Variants in MEGF8 observed in about 807,000 individuals in gnomAD.
MEGF8 encodes the protein multiple epidermal growth factor-like domains protein 8.
MEGF8 carries 156 observed loss-of-function variants against 302.9 expected under a neutral mutation model. The observed-to-expected ratio is 0.52, with a 90% CI of 0.45 to 0.59. The LOEUF is 0.59. Ranked by LOEUF, MEGF8 falls within the 20% of genes least tolerant of loss-of-function variation. The pLI, the probability that MEGF8 is intolerant of heterozygous loss-of-function variation, is 0.00. For missense variants in MEGF8, 3,345 were observed against 3,964.5 expected (o/e 0.84, Z 4.20); for synonymous variants, 1,621 against 1,660.5 (o/e 0.98, Z 0.58).
chr19:42,326,500 C>T (rs1250209366), intron 1 of MEGF8, 70 bp downstream of exon 1: 1 of 1,460,314 alleles, frequency 6.8e-7, no homozygotes, highest in East Asian at 2.9e-5. Context: ...CATCCACTCA[C>T]CACATTCCCA....
rs1600056918 is a variant in MEGF8 at position 42,356,690 on chromosome 19, T to C, written c.4623-84T>C. 2 of 1,377,564 alleles carry C rather than the reference T, an allele frequency of 1.5e-6. No homozygotes were observed. Among genetic ancestry groups the C allele is most frequent in the African/African-American group, 2.9e-5 (2 of 69,396 alleles). The allele number at this position is 1,377,564 out of a possible 1,614,324, so 85.3% of individuals were successfully genotyped here. A position where few individuals can be genotyped will look rare whatever the true frequency, so the allele number is the denominator to read the frequency against. On this transcript the variant is annotated intron_variant, in intron 26 of 41. Transcript: ENST00000251268. The surrounding 1 kb of genome is among the most constrained non-coding windows in gnomAD (Gnocchi z 5.2). ...GTCATAGGAAGGTCACCCCAGGGGA[T>C]GCGGGGACATCTGTCAGGCAGGGTC...
chr19:42,328,041 T>G (rs1460307553), intron 1 of MEGF8, among the ~76,000 whole-genome samples: 1 of 152,152 alleles, frequency 6.6e-6, no homozygotes, highest in African/African-American at 2.4e-5. Flanking sequence ...TGAGCCAATA[T>G]TGTGCCACTA....
Position 42,375,841 on chromosome 19 carries a change from C to T in MEGF8, c.7604C>T (p.Pro2535Leu). The T allele has an allele frequency of 1.2e-6, 2 of 1,610,434 alleles. No homozygotes were observed. The highest frequency in any genetic ancestry group is 2.2e-5 in the South Asian group (2 of 90,808). ...HIQPPPAPPPPPPPADGGPRG... is the reference protein window; with the variant it reads ...HIQPPPAPPPLPPPADGGPRG... ...CAGCCACCCCCAGCCCCACCACCTC[C>T]ACCACCCCCTGCAGATGGTGGGCCC... The change falls in exon 42 of 42, where the codon CCA becomes CTA. Residue 2535 changes from proline (P) to leucine (L), a missense_variant. Pro to Leu is a moderately conservative substitution (Grantham distance 98, BLOSUM62 -3). Transcript: ENST00000251268. This position sits in a 1 kb window ranked among gnomAD's most constrained non-coding sequence, Gnocchi z 7.1.
Position 42,354,467 on chromosome 19 carries a change from T to C in MEGF8, c.4012-121T>C. 8.5e-7 allele frequency: 1 copy of C among 1,179,032 alleles called. No individual in the cohort carries two copies. The highest frequency in any genetic ancestry group is 1.2e-6 in the Non-Finnish European group (1 of 830,526). The allele number at this position is 1,179,032 out of a possible 1,614,324, so 73.0% of individuals were successfully genotyped here. ...ATAGTTTGACAGTCTCCCCTGGATGTTCAAACAGCCCATTTCCCAGTCTCA... is the reference window on the plus strand; with the variant it reads ...ATAGTTTGACAGTCTCCCCTGGATGCTCAAACAGCCCATTTCCCAGTCTCA... On this transcript the variant is annotated intron_variant, in intron 22 of 41. Transcript: ENST00000251268. This position sits in a 1 kb window ranked among gnomAD's most constrained non-coding sequence, Gnocchi z 4.3.
intron 38 of MEGF8, 60 bp from the exon 39 acceptor site, chr19:42,370,129 A>C (rs935708366): frequency 1.6e-4 from 248 of 1,538,444 alleles, no homozygotes; most frequent in Non-Finnish European, 2.1e-4. Flanking sequence ...TGTGCCCCCA[A>C]CGCCCTCCTA....
intron 35 of MEGF8, among the ~76,000 whole-genome samples, chr19:42,365,034 G>A (rs542018859): frequency 8.5e-5 from 13 of 152,354 alleles, no homozygotes; most frequent in African/African-American, 3.1e-4. Flanking sequence ...CACCAAGAGG[G>A]TGGCTGCGGG....
chr19:42,334,083 C>A lies in MEGF8; in HGVS notation c.428C>A (p.Pro143Gln), dbSNP rs765654107. Residue 143 changes from proline to glutamine, a missense_variant, in exon 3 of 42, where the codon CCG becomes CAG. By Grantham distance (76) the Pro-to-Gln change is moderately conservative (BLOSUM62 -1). Coordinates refer to ENST00000251268, the MANE Select transcript of MEGF8 (RefSeq NM_001271938.2). ...GCCTCATTCCGCTTCTCCCTGTGCCCGGGTGGCTGCCAGAGCCACGGGCAG... is the reference window on the plus strand; with the variant it reads ...GCCTCATTCCGCTTCTCCCTGTGCCAGGGTGGCTGCCAGAGCCACGGGCAG... ...FNASFRFSLC[P>Q]GGCQSHGQCQ... 9.0e-5 allele frequency: 145 copies of A among 1,613,416 alleles called. No homozygotes were observed. The highest frequency in any genetic ancestry group is 8.5e-7 in the Non-Finnish European group (1 of 1,179,834).
Position 42,375,455 on chromosome 19 carries a change from G to A in MEGF8, c.7270-52G>A. On this transcript the variant is annotated intron_variant, in intron 41 of 41. Coordinates refer to ENST00000251268, the MANE Select transcript of MEGF8 (RefSeq NM_001271938.2). The surrounding 1 kb of genome is among the most constrained non-coding windows in gnomAD (Gnocchi z 7.1). Reference sequence around the variant, plus strand: ...ATTCGTCACTGCTGCTTGGGGGACAGGCTGGCACCGCACTCAGCCCTGATG... The same window carrying A: ...ATTCGTCACTGCTGCTTGGGGGACAAGCTGGCACCGCACTCAGCCCTGATG... 2.0e-6 allele frequency: 3 copies of A among 1,490,904 alleles called. No homozygotes were observed. Among genetic ancestry groups the A allele is most frequent in the East Asian group, 4.9e-5 (2 of 40,674 alleles). The allele number at this position is 1,490,904 out of a possible 1,614,324, so 92.4% of individuals were successfully genotyped here.
At chr19:42,332,609 G>A (rs770360308) in intron 1 of MEGF8, among the ~76,000 whole-genome samples, 5 of 152,032 alleles carry the variant, frequency 3.3e-5, no homozygotes, top group South Asian at 2.1e-4. Flanking sequence ...CTCGTGATCC[G>A]CCTGCCTTGG....
rs527302437 is a variant in MEGF8, at chr19:42,372,928, C to A, written c.7269+1446C>A. ...GCTCAGGCAATCCACCTGCCTTGGCCCCCCAAAGTGCTGGGATTACAGGCG... is the reference window on the plus strand; with the variant it reads ...GCTCAGGCAATCCACCTGCCTTGGCACCCCAAAGTGCTGGGATTACAGGCG... On this transcript the variant is annotated intron_variant, in intron 41 of 41. Coordinates refer to ENST00000251268, the MANE Select transcript of MEGF8 (RefSeq NM_001271938.2). 2.0e-5 allele frequency among the ~76,000 whole-genome samples: 3 copies of A among 152,094 alleles called. No homozygotes were observed. The East Asian group carries it at 5.8e-4, about 29-fold the overall frequency.
intron 1 of MEGF8, among the ~76,000 whole-genome samples, chr19:42,332,366 TTTC>T: frequency 6.6e-6 from 1 of 152,206 alleles, no homozygotes; most frequent in South Asian, 2.1e-4. Context: ...GGCTTTGGCT[TTTC>T]TTTGTTTTTT....
Position 42,335,173 on chromosome 19 carries a change from G to A in MEGF8, c.697G>A (p.Gly233Ser), listed in dbSNP as rs1474530190. ...CTTCTCTGCCCGTATTGGGGCAGCT[G>A]GCGCCTTCCTGTCCCCACCAGGGCT... ...PAFSARIGAA[G>S]AFLSPPGLLA... Residue 233 changes from glycine (G) to serine (S), a missense_variant, in exon 4 of 42, where the codon GGC becomes AGC. Physicochemically the swap from Gly to Ser is moderately conservative, Grantham distance 56 (BLOSUM62 0). Coordinates refer to ENST00000251268, the MANE Select transcript of MEGF8 (RefSeq NM_001271938.2). 1 of 1,613,982 alleles carries A rather than the reference G, an allele frequency of 6.2e-7. No individual in the cohort carries two copies.
At chr19:42,371,188 A>C (rs1190023982) in intron 40 of MEGF8, among the ~76,000 whole-genome samples, 162 bp from the exon 41 acceptor site, 1 of 152,006 alleles carries the variant, frequency 6.6e-6, no homozygotes, top group Non-Finnish European at 1.5e-5. Flanking sequence ...TCTAATCCCA[A>C]TGGTAATTTA....
At chr19:42,337,682 AT>A (rs1173658774) in intron 8 of MEGF8, among the ~76,000 whole-genome samples, 2 of 150,064 alleles carry the variant, frequency 1.3e-5, no homozygotes, top group African/African-American at 4.9e-5. Flanking sequence ...AATTTTTTGT[AT>A]TTTTAGTAGA....
At position 42,356,966 on chromosome 19, in the gene MEGF8, A is replaced by G. The variant is rs1278459557; in HGVS notation, c.4815A>G (p.Gln1605=). The change falls in exon 27 of 42, where the codon CAA becomes CAG. Residue 1605 remains glutamine, a synonymous_variant. Coordinates refer to ENST00000251268, the MANE Select transcript of MEGF8 (RefSeq NM_001271938.2). The surrounding 1 kb of genome is among the most constrained non-coding windows in gnomAD (Gnocchi z 5.2). ...GGGTCCTCAACCTCACCACCCTGCA[A>G]TGGCGGCAGGAGAAGGTGAGCATCT... ...DFWVLNLTTL[Q]WRQEKAPQTV... The G allele has an allele frequency of 6.2e-7, 1 of 1,604,212 alleles. No homozygotes were observed. Among genetic ancestry groups the G allele is most frequent in the Non-Finnish European group, 8.5e-7 (1 of 1,175,764 alleles).
chr19:42,352,951 G>T lies in MEGF8; in HGVS notation c.3374G>T (p.Gly1125Val). ...NRTCLEDCGHGVCSGPPDFTC... is the reference protein window; with the variant it reads ...NRTCLEDCGHVVCSGPPDFTC... ...AGGTGCTTGGAGGACTGTGGCCATG[G>T]TGTGTGCAGTGGCCCCCCGGACTTT... Residue 1125 changes from glycine (G) to valine (V), a missense_variant, in exon 20 of 42, where the codon GGT (glycine) becomes GTT (valine). By Grantham distance (109) the Gly-to-Val change is moderately radical. Coordinates refer to ENST00000251268, the MANE Select transcript of MEGF8 (RefSeq NM_001271938.2). The surrounding 1 kb of genome is among the most constrained non-coding windows in gnomAD (Gnocchi z 4.4). The T allele has an allele frequency of 6.2e-7, 1 of 1,601,000 alleles. No homozygotes were observed. The highest frequency in any genetic ancestry group is 8.5e-7 in the Non-Finnish European group (1 of 1,174,570).
Position 42,335,230 on chromosome 19 carries a change from C to A in MEGF8, c.739+15C>A. ...AGTTTTCGGAGGTGAGCAGATGGGGCGAGTATCTGGGATCTGGAGGCCCGG... is the reference window on the plus strand; with the variant it reads ...AGTTTTCGGAGGTGAGCAGATGGGGAGAGTATCTGGGATCTGGAGGCCCGG... On this transcript the variant is annotated intron_variant, in intron 4 of 41. Coordinates refer to ENST00000251268, the MANE Select transcript of MEGF8 (RefSeq NM_001271938.2). The A allele has an allele frequency of 1.2e-6, 2 of 1,613,962 alleles. No homozygotes were observed. The highest frequency in any genetic ancestry group is 1.7e-6 in the Non-Finnish European group (2 of 1,179,874).
chr19:42,328,567 A>AGTGTGTGTGTGTGTGTGTAT (rs2039014910), intron 1 of MEGF8, among the ~76,000 whole-genome samples: 1 of 146,612 alleles, frequency 6.8e-6, no homozygotes, highest in Admixed American at 6.8e-5. Flanking sequence ...CAGAATAGGA[A>AGTGTGTGTGTGTGTGTGTAT]GTGTGTGTGT....
chr19:42,363,282 C>T lies in MEGF8; in HGVS notation c.6273+20C>T. On this transcript the variant is annotated intron_variant, in intron 35 of 41. Transcript: ENST00000251268. Reference sequence around the variant, plus strand: ...CAGCAGGTACTGCACCTGGCCAGGACCGTGCCAGGCAAGGGCCCGGGCAGG... The same window carrying T: ...CAGCAGGTACTGCACCTGGCCAGGATCGTGCCAGGCAAGGGCCCGGGCAGG... The T allele has an allele frequency of 6.4e-7, 1 of 1,567,006 alleles. No individual in the cohort carries two copies. Among genetic ancestry groups the T allele is most frequent in the Non-Finnish European group, 8.7e-7 (1 of 1,155,552 alleles).
Sources: gnomAD v4.1 joint callset for allele counts (sites outside exome capture counted in the v4.1 genomes callset) on GRCh38, gnomAD v4.1.1 for gene constraint, Gnocchi (gnomAD v3.1) non-coding constraint, MANE v1.5 for transcripts, NCBI Gene and HGNC (gene_info 2026-07-23, HGNC 2026-07-21) for gene names.